The following MINDY2 variants were observed in gnomAD, a reference collection of about 807,000 sequenced individuals.
MINDY2 encodes ubiquitin carboxyl-terminal hydrolase MINDY-2.
Under a neutral mutation model 68.2 loss-of-function variants are expected in MINDY2, and 52 were observed. That is an observed-to-expected ratio of 0.76 (90% confidence interval 0.61 to 0.96). The LOEUF (loss-of-function observed/expected upper bound fraction) is 0.96. Among genes scored for constraint, MINDY2 ranks in the 40% least tolerant of loss-of-function variants. MINDY2 has a pLI of 0.00. For missense variants in MINDY2, 881 were observed against 773.4 expected (o/e 1.14, Z -1.65); for synonymous variants, 372 against 303.0 (o/e 1.23, Z -2.36).
intron 2 of MINDY2, among the ~76,000 whole-genome samples, chr15:58,801,313 G>A (rs556980036): frequency 1.3e-3 from 187 of 138,536 alleles, no homozygotes; most frequent in African/African-American, 4.5e-3. Flanking sequence ...AGATAGGCCA[G>A]GAACGGTGGC....
At position 58,855,451 on chromosome 15, in the gene MINDY2, GGATGTA is replaced by G. The variant is rs1247638693; in HGVS notation, c.*844_*849del. The G allele has an allele frequency of 6.6e-6, 1 of 152,518 alleles. No homozygotes were observed. Among genetic ancestry groups the G allele is most frequent in the East Asian group, 1.9e-4 (1 of 5,198 alleles). 9.4% of individuals were successfully genotyped at this position (152,518 alleles called of 1,614,324 possible). A position where few individuals can be genotyped will look rare whatever the true frequency, so the allele number is the denominator to read the frequency against. On this transcript the variant is annotated 3_prime_UTR_variant, in exon 9 of 9. Coordinates refer to ENST00000559228, the MANE Select transcript of MINDY2 (RefSeq NM_001040450.3). ...TGGATGCTAGGCTTTGTAAATATGG[GGATGTA>G]GAAAAGCAGATAGTTCAGTGTCTAC...
intron 7 of MINDY2, among the ~76,000 whole-genome samples, chr15:58,851,194 G>C (rs886225005): frequency 3.3e-5 from 5 of 150,770 alleles, no homozygotes; most frequent in African/African-American, 1.2e-4. Context: ...GGGTGGTCTC[G>C]AACTCCTGGG....
rs144676578 is a variant in MINDY2 at position 58,821,592 on chromosome 15, T to G, written c.1123-125T>G. 3,852 of 416,820 alleles carry G rather than the reference T, an allele frequency of 9.2e-3. 24 individuals carry two copies. The highest frequency in any genetic ancestry group is 0.012 in the Non-Finnish European group (3,275 of 262,048). The allele number at this position is 416,820 out of a possible 1,614,324, so 25.8% of individuals were successfully genotyped here. The stretch of plus-strand genomic sequence containing the variant: ...GGTGTTGATTTTAGTGCTGATTTTG[T>G]TTTTCGTAAATAATAGTTTTATATT... On this transcript the variant is annotated intron_variant, in intron 4 of 8. Coordinates refer to ENST00000559228, the MANE Select transcript of MINDY2 (RefSeq NM_001040450.3).
intron 2 of MINDY2, among the ~76,000 whole-genome samples, chr15:58,794,863 G>T (rs1244446041): frequency 2.6e-5 from 4 of 152,148 alleles, no homozygotes; most frequent in Non-Finnish European, 5.9e-5. Flanking sequence ...TAAGAATTTA[G>T]AAGTCATCAG....
intron 4 of MINDY2, among the ~76,000 whole-genome samples, chr15:58,814,102 G>T (rs1369446735): frequency 6.6e-6 from 1 of 151,340 alleles, no homozygotes; most frequent in East Asian, 1.9e-4. Context: ...CATGCCCAGT[G>T]AATTTTTTTG....
intron 8 of MINDY2, among the ~76,000 whole-genome samples, chr15:58,854,072 G>A (rs978149682): frequency 3.3e-5 from 5 of 151,854 alleles, no homozygotes; most frequent in African/African-American, 9.7e-5. Flanking sequence ...GTGAAACCCC[G>A]TCTCTACTAA....
chr15:58,814,632 A>G (rs1316973577), intron 4 of MINDY2, among the ~76,000 whole-genome samples: 1 of 151,494 alleles, frequency 6.6e-6, no homozygotes, highest in East Asian at 1.9e-4. Flanking sequence ...TCAGCCTCCC[A>G]AAGTGTGAGA....
rs769106230 is a variant in MINDY2, at chr15:58,802,296, T to G, written c.899-17T>G. ...TTTTTAAAAGGCAATTTTACAATTC[T>G]TTTTTTTTTTTTACAGGAGATTACA... On this transcript the variant is annotated splice_polypyrimidine_tract_variant and intron_variant, in intron 2 of 8. Coordinates refer to ENST00000559228, the MANE Select transcript of MINDY2 (RefSeq NM_001040450.3). 1.8e-3 allele frequency: 509 copies of G among 280,394 alleles called. No homozygotes were observed. The highest frequency in any genetic ancestry group is 6.2e-3 in the South Asian group (69 of 11,076). The allele number at this position is 280,394 out of a possible 1,614,324, so 17.4% of individuals were successfully genotyped here. A position where few individuals can be genotyped will look rare whatever the true frequency, so the allele number is the denominator to read the frequency against.
intron 5 of MINDY2, among the ~76,000 whole-genome samples, chr15:58,827,082 G>A (rs761094058): frequency 8.5e-5 from 13 of 152,272 alleles, no homozygotes; most frequent in East Asian, 5.8e-4. Flanking sequence ...GGGATGCTAC[G>A]TAGGTGACAT....
chr15:58,846,336 G>A (rs1442436693), intron 6 of MINDY2, among the ~76,000 whole-genome samples: 7 of 152,154 alleles, frequency 4.6e-5, no homozygotes, highest in African/African-American at 1.7e-4. Flanking sequence ...GCTCACGCCT[G>A]TAATCCCAGC....
chr15:58,831,047 A>ATT (rs2031699012), intron 5 of MINDY2, among the ~76,000 whole-genome samples: 1 of 143,296 alleles, frequency 7.0e-6, no homozygotes, highest in Admixed American at 6.9e-5. Flanking sequence ...GTGTGTATAT[A>ATT]TATATATATA....
At chr15:58,787,799 G>A in intron 1 of MINDY2, 107 bp from the exon 2 acceptor site, 2 of 529,750 alleles carry the variant, frequency 3.8e-6, no homozygotes, top group Non-Finnish European at 3.3e-6. Flanking sequence ...TAATGTATAA[G>A]TATAGTAGAT....
At chr15:58,831,035 G>GTATA (rs1230717668) in intron 5 of MINDY2, among the ~76,000 whole-genome samples, 2 of 99,044 alleles carry the variant, frequency 2.0e-5, no homozygotes, top group African/African-American at 1.2e-4. Context: ...GTGTGTGTGT[G>GTATA]TGTGTGTATA....
rs775964289 is a variant in MINDY2, at chr15:58,787,959, T to C, written c.894T>C (p.Tyr298=). The C allele has an allele frequency of 1.3e-6, 2 of 1,581,788 alleles. No individual in the cohort carries two copies. Among genetic ancestry groups the C allele is most frequent in the Non-Finnish European group, 1.7e-6 (2 of 1,165,928 alleles). The change falls in exon 2 of 9, where the codon TAT becomes TAC. Residue 298 remains tyrosine, a synonymous_variant. Coordinates refer to ENST00000559228, the MANE Select transcript of MINDY2 (RefSeq NM_001040450.3). Reference sequence around the variant, plus strand: ...TAACTGCTGAGCAGCTGATGGAATATTTAGGTTAGTGTTGAAAAGTGGATT... The same window carrying C: ...TAACTGCTGAGCAGCTGATGGAATACTTAGGTTAGTGTTGAAAAGTGGATT... ...EIITAEQLME[Y]LGDYMLDAKP...
chr15:58,854,104 C>T (rs1345988867), intron 8 of MINDY2, among the ~76,000 whole-genome samples: 17 of 151,720 alleles, frequency 1.1e-4, no homozygotes, highest in Admixed American at 2.0e-4. Flanking sequence ...GTTAGCCAGG[C>T]GTGGTGGCAG....
At chr15:58,800,114 A>C (rs985367442) in intron 2 of MINDY2, among the ~76,000 whole-genome samples, 2 of 152,144 alleles carry the variant, frequency 1.3e-5, no homozygotes, top group Non-Finnish European at 2.9e-5. Context: ...CTTTTTTCCA[A>C]ATGTTCACCT....
rs746154698 is a variant in MINDY2 at position 58,852,922 on chromosome 15, GTTTTTT to G, written c.1737+1000_1737+1005del. Among the ~76,000 whole-genome samples, 183 of 48,958 alleles carry G rather than the reference GTTTTTT, an allele frequency of 3.7e-3. 13 individuals carry two copies. The highest frequency in any genetic ancestry group is 7.0e-3 in the East Asian group (14 of 2,008). The allele number at this position is 48,958 out of a possible 152,430, so 32.1% of individuals were successfully genotyped here. Reference sequence around the variant, plus strand: ...TATACCATGCCAGACTGCTGTTCCTGTTTTTTTTTTTTTTTTTTTTTTTTTTTTTTT... The same window carrying G: ...TATACCATGCCAGACTGCTGTTCCTGTTTTTTTTTTTTTTTTTTTTTTTTT... On this transcript the variant is annotated intron_variant, in intron 8 of 8. Transcript: ENST00000559228.
At chr15:58,853,306 G>A (rs1269360974) in intron 8 of MINDY2, among the ~76,000 whole-genome samples, 1 of 151,924 alleles carries the variant, frequency 6.6e-6, no homozygotes, top group East Asian at 1.9e-4. Context: ...GGGCATACAA[G>A]AAAGCAAGAT....
chr15:58,795,982 A>G (rs1902257100), intron 2 of MINDY2: 1 of 410,826 alleles, frequency 2.4e-6, no homozygotes, highest in Non-Finnish European at 4.9e-6. Flanking sequence ...AGGGTATTGA[A>G]TACTGGAGAA....
Sources: allele counts gnomAD v4.1 joint callset (sites outside exome capture counted in the v4.1 genomes callset), GRCh38; gene constraint gnomAD v4.1.1; transcripts MANE v1.5; gene names NCBI Gene and HGNC (gene_info 2026-07-23, HGNC 2026-07-21).